MMP26: variants seen among roughly 807,000 people sequenced by gnomAD.
The protein encoded by MMP26 is matrix metallopeptidase 26, also known as matrix metalloproteinase-26.
MMP26 carries 33 observed loss-of-function variants against 31.0 expected under a neutral mutation model. The observed-to-expected ratio is 1.06, with a 90% CI of 0.81 to 1.42. The LOEUF (loss-of-function observed/expected upper bound fraction) is 1.42. MMP26 is among the 40% of genes most tolerant of loss of function. The pLI, the probability that MMP26 is intolerant of heterozygous loss-of-function variation, is 0.00. For synonymous variants in MMP26, 122 were observed against 114.9 expected (o/e 1.06, Z -0.40); for missense variants, 347 against 316.1 (o/e 1.10, Z -0.74).
At chr11:4,754,897 C>T (rs1244062626) in intron 1 of MMP26, among the ~76,000 whole-genome samples, 1 of 151,952 alleles carries the variant, frequency 6.6e-6, no homozygotes. Flanking sequence ...AATATGATTG[C>T]ATCTAAATTC....
At chr11:4,900,295 A>G (rs1850781617) in intron 2 of MMP26, among the ~76,000 whole-genome samples, 1 of 152,192 alleles carries the variant, frequency 6.6e-6, no homozygotes, top group Admixed American at 6.5e-5. Context: ...TCTTCAAGAA[A>G]ATAAAACAAA....
At chr11:4,737,534 T>C (rs191552260) in intron 1 of MMP26, among the ~76,000 whole-genome samples, 1,631 of 152,254 alleles carry the variant, frequency 0.011, 28 homozygotes, top group African/African-American at 0.035. Context: ...TCCCAGCTAC[T>C]TGGGAGGCTG....
At chr11:4,949,356 A>G (rs2054142) in intron 2 of MMP26, among the ~76,000 whole-genome samples, 89,113 of 121,290 alleles carry the variant, frequency 0.73, 38,712 homozygotes, top group Middle Eastern at 0.87. Context: ...AGTGTTATTT[A>G]TGTACAAAGA....
chr11:4,795,720 T>A (rs1849097581), intron 2 of MMP26, among the ~76,000 whole-genome samples: 1 of 152,212 alleles, frequency 6.6e-6, no homozygotes, highest in Non-Finnish European at 1.5e-5. Context: ...ATTACTTTAT[T>A]ATGCCTGTGG....
At chr11:4,962,492 C>G (rs936798922) in intron 2 of MMP26, among the ~76,000 whole-genome samples, 2 of 152,126 alleles carry the variant, frequency 1.3e-5, no homozygotes, top group African/African-American at 4.8e-5. Flanking sequence ...GCAGAAACTC[C>G]TAGTGGTCAC....
chr11:4,726,514 T>G (rs898617616), intron 1 of MMP26, among the ~76,000 whole-genome samples: 1 of 152,082 alleles, frequency 6.6e-6, no homozygotes, highest in East Asian at 1.9e-4. Flanking sequence ...AGTTTTGACC[T>G]TGACAGCATT....
Position 4,738,528 on chromosome 11 carries a change from T to C in MMP26, c.-216-28742T>C, listed in dbSNP as rs1419140860. Among the ~76,000 whole-genome samples, 15 of 152,308 alleles carry C rather than the reference T, an allele frequency of 9.8e-5. No homozygotes were observed. The East Asian group carries it at 2.7e-3, about 27-fold the overall frequency. ...AGGGCCTTGTGATAAAGAAAAAAAC[T>C]TCCAGATTTTATGAGCAGTTCTTGT... On this transcript the variant is annotated intron_variant, in intron 1 of 7. Transcript: ENST00000380390.
At chr11:4,832,701 C>T in intron 2 of MMP26, 1 of 196,558 alleles carries the variant, frequency 5.1e-6, no homozygotes, top group Admixed American at 4.6e-5. Flanking sequence ...AGCTGGCCTG[C>T]TCTGACAACA....
intron 2 of MMP26, among the ~76,000 whole-genome samples, chr11:4,938,650 C>G (rs1846162189): frequency 6.6e-6 from 1 of 152,016 alleles, no homozygotes; most frequent in African/African-American, 2.4e-5. Context: ...AACCAGTTAT[C>G]TTATTTCAAT....
intron 2 of MMP26, among the ~76,000 whole-genome samples, chr11:4,934,174 G>C (rs1340444730): frequency 1.4e-5 from 2 of 141,234 alleles, no homozygotes; most frequent in African/African-American, 5.3e-5. Flanking sequence ...GGTTGAACTA[G>C]TTTACAGTCC....
chr11:4,927,825 C>T (rs1447096454), intron 2 of MMP26, among the ~76,000 whole-genome samples: 3 of 152,062 alleles, frequency 2.0e-5, no homozygotes, highest in Non-Finnish European at 4.4e-5. Flanking sequence ...TTTCTGAGGA[C>T]AGAGGTCACA....
intron 5 of MMP26, 103 bp from the exon 6 acceptor site, chr11:4,991,268 G>A: frequency 1.5e-6 from 2 of 1,364,304 alleles, no homozygotes; most frequent in South Asian, 3.4e-5. Context: ...CCCAGTGGTA[G>A]ACTGTTGCAC....
chr11:4,809,942 A>C (rs534733610), intron 2 of MMP26, among the ~76,000 whole-genome samples: 1 of 141,874 alleles, frequency 7.0e-6, no homozygotes, highest in South Asian at 2.6e-4. Flanking sequence ...TGGCATGGCC[A>C]GAAGGAGTTC....
At chr11:4,820,925 A>G (rs1849487871) in intron 2 of MMP26, among the ~76,000 whole-genome samples, 1 of 152,164 alleles carries the variant, frequency 6.6e-6, no homozygotes, top group African/African-American at 2.4e-5. Context: ...ATTACCACAT[A>G]TATGGGCCTG....
At chr11:4,875,801 G>A (rs183250115) in intron 2 of MMP26, 115 of 152,228 alleles carry the variant, frequency 7.6e-4, no homozygotes, top group African/African-American at 2.5e-3. Context: ...AGATACGGAT[G>A]AGGACATCTT....
intron 2 of MMP26, among the ~76,000 whole-genome samples, chr11:4,901,148 G>GTTT (rs1564803204): frequency 1.3e-4 from 10 of 76,048 alleles, no homozygotes; most frequent in East Asian, 3.9e-4. Context: ...ACCTCTTTGT[G>GTTT]CTTTTTTTTT....
chr11:4,908,501 A>G, intron 2 of MMP26: 1 of 608,468 alleles, frequency 1.6e-6, no homozygotes, highest in Non-Finnish European at 2.9e-6. Context: ...TATATAAGAT[A>G]TAGAGGTTTA....
chr11:4,964,470 T>C (rs763610795), intron 2 of MMP26, among the ~76,000 whole-genome samples: 5 of 152,182 alleles, frequency 3.3e-5, no homozygotes, highest in Non-Finnish European at 7.4e-5. Context: ...CATTGGTTTA[T>C]GTGTCTGTTC....
chr11:4,899,587 C>A (rs750655024), intron 2 of MMP26, among the ~76,000 whole-genome samples: 2 of 152,078 alleles, frequency 1.3e-5, no homozygotes, highest in Admixed American at 6.6e-5. Context: ...TCAAAATTTG[C>A]CAGGATGGTA....
Sources: allele counts gnomAD v4.1 joint callset (sites outside exome capture counted in the v4.1 genomes callset), GRCh38; gene constraint gnomAD v4.1.1; transcripts MANE v1.5; gene names NCBI Gene and HGNC (gene_info 2026-07-23, HGNC 2026-07-21).